BACE2: variants seen among roughly 807,000 people sequenced by gnomAD.
The protein encoded by BACE2 is beta-secretase 2.
Under a neutral mutation model 46.2 loss-of-function variants are expected in BACE2, and 17 were observed. The observed-to-expected ratio is 0.37, with a 90% CI of 0.25 to 0.55. The LOEUF (loss-of-function observed/expected upper bound fraction) is 0.55, where lower values mean the gene tolerates loss of function less well. Among genes scored for constraint, BACE2 ranks in the 20% least tolerant of loss-of-function variants. BACE2 has a pLI of 0.82. For missense variants in BACE2, 595 were observed against 698.1 expected, an observed-to-expected ratio of 0.85 and a Z score of 1.66; for synonymous variants, 277 against 295.9, an observed-to-expected ratio of 0.94 and a Z score of 0.66.
chr21:41,200,457 G>T (rs1056690852), intron 1 of BACE2, among the ~76,000 whole-genome samples: 1 of 152,180 alleles, frequency 6.6e-6, no homozygotes, highest in South Asian at 2.1e-4. Context: ...TGTTACTATG[G>T]ATGTCGGATT....
chr21:41,245,534 C>T (rs907111901), intron 5 of BACE2, among the ~76,000 whole-genome samples: 41 of 152,228 alleles, frequency 2.7e-4, no homozygotes, highest in Admixed American at 2.4e-3. Flanking sequence ...TCCTTCTCTT[C>T]GTTAGTGAGG....
At chr21:41,268,405 T>C (rs1270278039) in intron 8 of BACE2, among the ~76,000 whole-genome samples, 1 of 152,092 alleles carries the variant, frequency 6.6e-6, no homozygotes, top group African/African-American at 2.4e-5. Context: ...ATTAGTAGCG[T>C]AAGTAATAAA....
At chr21:41,215,444 C>G (rs1182106863) in intron 1 of BACE2, among the ~76,000 whole-genome samples, 1 of 152,212 alleles carries the variant, frequency 6.6e-6, no homozygotes, top group Non-Finnish European at 1.5e-5. Context: ...GCTGCTCTCA[C>G]CCCATGCCCC....
intron 2 of BACE2, among the ~76,000 whole-genome samples, chr21:41,233,876 G>A (rs527502198): frequency 1.2e-4 from 18 of 152,320 alleles, no homozygotes; most frequent in African/African-American, 4.3e-4. Flanking sequence ...CAGCAGAATC[G>A]CTTGAACCCA....
At chr21:41,200,262 G>A (rs1317602292) in intron 1 of BACE2, among the ~76,000 whole-genome samples, 2 of 151,792 alleles carry the variant, frequency 1.3e-5, no homozygotes, top group Non-Finnish European at 2.9e-5. Context: ...TTTCTGGCTG[G>A]ACTCTGATAA....
In BACE2 at chr21:41,245,985, G is replaced by A; in HGVS notation, c.906G>A (p.Val302=). 1 of 1,611,022 alleles carries A rather than the reference G, an allele frequency of 6.2e-7. No homozygotes were observed. Among genetic ancestry groups the A allele is most frequent in the South Asian group, 1.1e-5 (1 of 90,178 alleles). ...AGTATAACGCAGACAAGGCCATCGTGGACAGTGGCACCACGCTGCTGCGCC... is the reference window on the plus strand; with the variant it reads ...AGTATAACGCAGACAAGGCCATCGTAGACAGTGGCACCACGCTGCTGCGCC... ...CREYNADKAI[V]DSGTTLLRLP... Residue 302 remains valine, a synonymous_variant, in exon 6 of 9, where the codon GTG becomes GTA. Transcript: ENST00000330333.
At chr21:41,175,464 G>C (rs1442544630) in intron 1 of BACE2, 2 of 152,242 alleles carry the variant, frequency 1.3e-5, no homozygotes, top group African/African-American at 4.8e-5. Flanking sequence ...GCCTGCAAAA[G>C]GCAGCCTTGT....
rs2088527780 is a variant in BACE2, at chr21:41,279,841, G to C, written c.*4217G>C. Reference sequence around the variant, plus strand: ...TTCAACGGATGGAGAGTACAGGATGGCTGGGACCTGGGAAGTTCCAGAATC... The same window carrying C: ...TTCAACGGATGGAGAGTACAGGATGCCTGGGACCTGGGAAGTTCCAGAATC... On this transcript the variant is annotated 3_prime_UTR_variant, in exon 9 of 9. Coordinates refer to ENST00000330333, the MANE Select transcript of BACE2 (RefSeq NM_012105.5). 1 of 152,382 alleles carries C rather than the reference G, an allele frequency of 6.6e-6. No homozygotes were observed. The highest frequency in any genetic ancestry group is 2.4e-5 in the African/African-American group (1 of 41,418). The allele number at this position is 152,382 out of a possible 1,614,324, so 9.4% of individuals were successfully genotyped here.
At chr21:41,190,396 A>G (rs1985525214) in intron 1 of BACE2, among the ~76,000 whole-genome samples, 1 of 152,264 alleles carries the variant, frequency 6.6e-6, no homozygotes, top group African/African-American at 2.4e-5. Context: ...AGTAAATCTT[A>G]TGTCACATGC....
intron 7 of BACE2, among the ~76,000 whole-genome samples, chr21:41,254,043 G>A (rs528533887): frequency 7.9e-5 from 12 of 152,240 alleles, no homozygotes; most frequent in East Asian, 5.8e-4. Context: ...AGGGGAAACC[G>A]CCAGGGTTCT....
chr21:41,228,984 G>T lies in BACE2; in HGVS notation c.401+2630G>T, dbSNP rs115751728. On this transcript the variant is annotated intron_variant, in intron 2 of 8. Transcript: ENST00000330333. ...TCCAGCAGATTTCACCCATGTTGAT[G>T]CCCAGAGCGACTTTGGAAAGTGGTG... 2.0e-3 allele frequency among the ~76,000 whole-genome samples: 308 copies of T among 152,330 alleles called. 1 individual carries two copies. The highest frequency in any genetic ancestry group is 7.0e-3 in the African/African-American group (292 of 41,568).
rs111511447 is a variant in BACE2, at chr21:41,279,568, G to A, written c.*3944G>A. On this transcript the variant is annotated 3_prime_UTR_variant, in exon 9 of 9. Coordinates refer to ENST00000330333, the MANE Select transcript of BACE2 (RefSeq NM_012105.5). The stretch of plus-strand genomic sequence containing the variant: ...GCCAAGATTGCGCCACTGCACTCCA[G>A]CCTGGGCAACAGAGCAAGACTCCGT... The A allele has an allele frequency of 0.043, 6,618 of 152,372 alleles. 190 individuals carry two copies. Among genetic ancestry groups the A allele is most frequent in the Middle Eastern group, 0.084 (25 of 296 alleles). 9.4% of individuals were successfully genotyped at this position (152,372 alleles called of 1,614,324 possible). A position where few individuals can be genotyped will look rare whatever the true frequency, so the allele number is the denominator to read the frequency against.
In BACE2 at chr21:41,193,831, A is replaced by T. The variant is rs951668499; in HGVS notation, c.312+25256A>T. ...TCTACTTTACTGGAGGACCACAGTGACATTTTGGGTCCTCTGGAATTAACG... is the reference window on the plus strand; with the variant it reads ...TCTACTTTACTGGAGGACCACAGTGTCATTTTGGGTCCTCTGGAATTAACG... On this transcript the variant is annotated intron_variant, in intron 1 of 8. Coordinates refer to ENST00000330333, the MANE Select transcript of BACE2 (RefSeq NM_012105.5). This position sits in a 1 kb window ranked among gnomAD's most constrained non-coding sequence, Gnocchi z 4.2. Among the ~76,000 whole-genome samples, 2 of 152,180 alleles carry T rather than the reference A, an allele frequency of 1.3e-5. No homozygotes were observed. Among genetic ancestry groups the T allele is most frequent in the African/African-American group, 4.8e-5 (2 of 41,436 alleles).
intron 1 of BACE2, among the ~76,000 whole-genome samples, chr21:41,191,841 G>T (rs1450351888): frequency 6.6e-6 from 1 of 152,198 alleles, no homozygotes. Flanking sequence ...CTCTGGTGAG[G>T]TCCCCCGTTG....
rs1398741850 is a variant in BACE2, at chr21:41,279,450, AG to A, written c.*3827del. The stretch of plus-strand genomic sequence containing the variant: ...GTCTCTACTAAAAATACAAAAAATT[AG>A]CCAACGATGGTGATGCCTGTCTGTA... On this transcript the variant is annotated 3_prime_UTR_variant, in exon 9 of 9. Coordinates refer to ENST00000330333, the MANE Select transcript of BACE2 (RefSeq NM_012105.5). The A allele has an allele frequency of 6.6e-6, 1 of 152,180 alleles. No individual in the cohort carries two copies. The highest frequency in any genetic ancestry group is 1.5e-5 in the Non-Finnish European group (1 of 68,082). The allele number at this position is 152,180 out of a possible 1,614,324, so 9.4% of individuals were successfully genotyped here.
At position 41,222,798 on chromosome 21, in the gene BACE2, C is replaced by T. The variant is rs112642045; in HGVS notation, c.313-3468C>T. Among the ~76,000 whole-genome samples the T allele has an allele frequency of 7.6e-3, 1,152 of 152,268 alleles. 9 individuals carry two copies. Among genetic ancestry groups the T allele is most frequent in the Middle Eastern group, 0.02 (6 of 294 alleles). On this transcript the variant is annotated intron_variant, in intron 1 of 8. Transcript: ENST00000330333. ...GAGGTGAGGGGTGGGCCGGTGTGGG[C>T]CAGAACCTGAAGGTGGAGCCCTCGG...
chr21:41,208,306 C>T (rs1479969768), intron 1 of BACE2, among the ~76,000 whole-genome samples: 5 of 152,252 alleles, frequency 3.3e-5, no homozygotes, highest in South Asian at 2.1e-4. Context: ...CAGGACCGCA[C>T]GGTGTCTTCT....
intron 8 of BACE2, among the ~76,000 whole-genome samples, chr21:41,274,598 C>A (rs2088465433): frequency 6.6e-6 from 1 of 152,136 alleles, no homozygotes; most frequent in Non-Finnish European, 1.5e-5. Context: ...TACAGATAAT[C>A]CACAAACCGG....
At chr21:41,187,577 G>C (rs759022140) in intron 1 of BACE2, among the ~76,000 whole-genome samples, 1 of 152,232 alleles carries the variant, frequency 6.6e-6, no homozygotes, top group Non-Finnish European at 1.5e-5. Context: ...TAACCTGCTA[G>C]CAGGCTCTAG....
Sources: allele counts gnomAD v4.1 joint callset (sites outside exome capture counted in the v4.1 genomes callset), GRCh38; gene constraint gnomAD v4.1.1; non-coding constraint Gnocchi (gnomAD v3.1); transcripts MANE v1.5; gene names NCBI Gene and HGNC (gene_info 2026-07-23, HGNC 2026-07-21).